FSIP2: variants seen among roughly 807,000 people sequenced by gnomAD.
FSIP2 encodes fibrous sheath interacting protein 2.
FSIP2 carries 367 observed loss-of-function variants against 510.5 expected under a neutral mutation model. The ratio of observed to expected loss-of-function variants is 0.72; its 90% CI spans 0.66 to 0.78. FSIP2 has a LOEUF of 0.78. Among genes scored for constraint, FSIP2 ranks in the 30% least tolerant of loss-of-function variants. The pLI, the probability that FSIP2 is intolerant of heterozygous loss-of-function variation, is 0.00. For missense variants in FSIP2, 7,594 were observed against 7,901.7 expected (o/e 0.96, Z 1.48); for synonymous variants, 2,601 against 2,732.2 (o/e 0.95, Z 1.50).
At chr2:185,775,425 G>A (rs542138374) in intron 13 of FSIP2, among the ~76,000 whole-genome samples, 1 of 151,264 alleles carries the variant, frequency 6.6e-6, no homozygotes, top group Admixed American at 6.6e-5. Context: ...TTTTTGATGG[G>A]GTTGTTTTTT....
intron 19 of FSIP2, among the ~76,000 whole-genome samples, chr2:185,817,085 A>G (rs1474565095): frequency 1.3e-5 from 2 of 152,002 alleles, no homozygotes; most frequent in Non-Finnish European, 2.9e-5. Context: ...AAATCTGTGA[A>G]GTTTAACTTG....
In FSIP2 at chr2:185,797,510, G is replaced by T; in HGVS notation, c.10374G>T (p.Lys3458Asn). 2 of 1,497,956 alleles carry T rather than the reference G, an allele frequency of 1.3e-6. No homozygotes were observed. The highest frequency in any genetic ancestry group is 2.6e-5 in the South Asian group (2 of 77,108). The allele number at this position is 1,497,956 out of a possible 1,614,324, so 92.8% of individuals were successfully genotyped here. ...HVTTSVVTYL[K>N]NFETTVFSEE... is the part of the protein sequence containing the mutation. The stretch of plus-strand genomic sequence containing the variant: ...CCACATCTGTGGTCACATATTTGAA[G>T]AACTTTGAAACTACAGGTAAGCAAG... Residue 3458 changes from lysine to asparagine, a missense_variant, in exon 16 of 23, where the codon AAG becomes AAT. Transcript: ENST00000424728.
In FSIP2 at chr2:185,804,975, A is replaced by C; in HGVS notation, c.15669A>C (p.Leu5223Phe). The C allele has an allele frequency of 1.3e-6, 2 of 1,548,662 alleles. No individual in the cohort carries two copies. The highest frequency in any genetic ancestry group is 2.3e-5 in the South Asian group (2 of 85,682). The change falls in exon 17 of 23, where the codon TTA becomes TTC. Residue 5223 changes from leucine (L) to phenylalanine (F), a missense_variant. Physicochemically the swap from Leu to Phe is conservative, Grantham distance 22. Coordinates refer to ENST00000424728, the MANE Select transcript of FSIP2 (RefSeq NM_173651.4). Reference sequence around the variant, plus strand: ...AAGGATGCTCATTCCTCAGTAAATTAGCTGGTTTTATTATGAAAGAAATCA... The same window carrying C: ...AAGGATGCTCATTCCTCAGTAAATTCGCTGGTTTTATTATGAAAGAAATCA... ...DKKGCSFLSKLAGFIMKEIMY... is the reference protein window; with the variant it reads ...DKKGCSFLSKFAGFIMKEIMY...
chr2:185,772,312 C>T (rs1194055424), intron 13 of FSIP2, among the ~76,000 whole-genome samples: 2 of 152,122 alleles, frequency 1.3e-5, no homozygotes, highest in Admixed American at 1.3e-4. Context: ...TATAGCAATG[C>T]CTTACTTCTT....
At chr2:185,812,141 C>T (rs1693745680) in intron 17 of FSIP2, among the ~76,000 whole-genome samples, 2 of 152,114 alleles carry the variant, frequency 1.3e-5, no homozygotes. Context: ...CGTGGAAAAG[C>T]CTCAGGCACT....
Position 185,747,377 on chromosome 2 carries a change from G to A in FSIP2, c.824G>A (p.Arg275Lys). ...GCAGAAGATGTTAAAAGAGAAGAGA[G>A]GATAGAAGAACAACAGCATAGAAAC... ...RMAEDVKREE[R>K]IEEQQHRNRE... The change falls in exon 7 of 23, where the codon AGG becomes AAG. Residue 275 changes from arginine to lysine, a missense_variant. Physicochemically the swap from Arg to Lys is conservative, Grantham distance 26 (BLOSUM62 2). Coordinates refer to ENST00000424728, the MANE Select transcript of FSIP2 (RefSeq NM_173651.4). 1 of 1,532,704 alleles carries A rather than the reference G, an allele frequency of 6.5e-7. No individual in the cohort carries two copies. The highest frequency in any genetic ancestry group is 1.2e-5 in the South Asian group (1 of 83,938). 94.9% of individuals were successfully genotyped at this position (1,532,704 alleles called of 1,614,324 possible).
intron 13 of FSIP2, among the ~76,000 whole-genome samples, chr2:185,777,799 T>C (rs1024930614): frequency 4.3e-4 from 65 of 152,180 alleles, no homozygotes; most frequent in African/African-American, 1.5e-3. Context: ...TTGAGAGAGG[T>C]TGGGTTGTAA....
chr2:185,784,266 G>A (rs1175857282), intron 14 of FSIP2: 1 of 152,100 alleles, frequency 6.6e-6, no homozygotes, highest in Non-Finnish European at 1.5e-5. Context: ...CAGGTGATAA[G>A]TAACTTTGTA....
In FSIP2 at chr2:185,793,222, A is replaced by C; in HGVS notation, c.6086A>C (p.His2029Pro). Residue 2029 changes from histidine (H) to proline (P), a missense_variant, in exon 16 of 23, where the codon CAT (histidine) becomes CCT (proline). Physicochemically the swap from His to Pro is moderately conservative, Grantham distance 77. Transcript: ENST00000424728. Reference sequence around the variant, plus strand: ...GAAAGGGAAAATCCTTTTTTAACTCATGACATTGGGATTTCTGAAAGTATT... The same window carrying C: ...GAAAGGGAAAATCCTTTTTTAACTCCTGACATTGGGATTTCTGAAAGTATT... ...DKERENPFLT[H>P]DIGISESIAS... The C allele has an allele frequency of 1.3e-6, 2 of 1,533,890 alleles. No homozygotes were observed. The highest frequency in any genetic ancestry group is 1.7e-6 in the Non-Finnish European group (2 of 1,145,484).
upstream of FSIP2, chr2:185,738,556 A>G: frequency 6.7e-7 from 1 of 1,497,376 alleles, no homozygotes; most frequent in Non-Finnish European, 8.9e-7. Context: ...AGGGGAAATT[A>G]ACCAGTTACC....
chr2:185,804,058 C>G lies in FSIP2; in HGVS notation c.14752C>G (p.Leu4918Val), dbSNP rs572646479. 6.5e-5 allele frequency: 99 copies of G among 1,517,954 alleles called. No individual in the cohort carries two copies. The East Asian group carries it at 2.2e-3, about 34-fold the overall frequency. The allele number at this position is 1,517,954 out of a possible 1,614,324, so 94.0% of individuals were successfully genotyped here. The change falls in exon 17 of 23, where the codon CTC (leucine) becomes GTC (valine). Residue 4918 changes from leucine to valine, a missense_variant. Coordinates refer to ENST00000424728, the MANE Select transcript of FSIP2 (RefSeq NM_173651.4). ...IQSFLSEDKT[L>V]LLAAVDQTYK... ...ATCATTTTTATCTGAAGATAAAACT[C>G]TCCTTTTGGCAGCAGTTGATCAAAC...
At chr2:185,798,865 T>C (rs1693360000) in intron 16 of FSIP2, among the ~76,000 whole-genome samples, 1 of 151,876 alleles carries the variant, frequency 6.6e-6, no homozygotes, top group Non-Finnish European at 1.5e-5. Context: ...CTCATGTTCC[T>C]TCTTCCACTA....
intron 2 of FSIP2, among the ~76,000 whole-genome samples, chr2:185,740,680 C>T (rs547926229): frequency 2.6e-5 from 4 of 152,214 alleles, no homozygotes; most frequent in African/African-American, 9.6e-5. Context: ...AAGATCAGGA[C>T]ACCAGCATGG....
At chr2:185,752,661 G>T (rs1286194326) in intron 7 of FSIP2, among the ~76,000 whole-genome samples, 1 of 151,086 alleles carries the variant, frequency 6.6e-6, no homozygotes, top group Admixed American at 6.6e-5. Context: ...TTTGAAAATT[G>T]CTTTTGGACC....
In FSIP2 at chr2:185,805,064, A is replaced by T; in HGVS notation, c.15758A>T (p.Tyr5253Phe). 6.2e-7 allele frequency: 1 copy of T among 1,602,934 alleles called. No homozygotes were observed. Among genetic ancestry groups the T allele is most frequent in the Non-Finnish European group, 8.5e-7 (1 of 1,176,568 alleles). The change falls in exon 17 of 23, where the codon TAT becomes TTT. Residue 5253 changes from tyrosine (Y) to phenylalanine (F), a missense_variant. Coordinates refer to ENST00000424728, the MANE Select transcript of FSIP2 (RefSeq NM_173651.4). ...TCATCTTTCAGTGACTTATCTGATT[A>T]TGACCATGTCTCTGAACTTGCTAAA... ...EESSFSDLSDYDHVSELAKSG... is the reference protein window; with the variant it reads ...EESSFSDLSDFDHVSELAKSG...
At chr2:185,752,532 C>A (rs1044930500) in intron 7 of FSIP2, among the ~76,000 whole-genome samples, 2 of 151,224 alleles carry the variant, frequency 1.3e-5, no homozygotes, top group Admixed American at 1.3e-4. Context: ...TCTCTCCTCT[C>A]TTCAGGCATA....
Position 185,792,880 on chromosome 2 carries a change from A to C in FSIP2, c.5744A>C (p.Asn1915Thr), listed in dbSNP as rs771882188. 5.9e-6 allele frequency: 9 copies of C among 1,534,204 alleles called. No individual in the cohort carries two copies. Among genetic ancestry groups the C allele is most frequent in the Admixed American group, 2.0e-5 (1 of 50,856 alleles). The change falls in exon 16 of 23, where the codon AAT becomes ACT. Residue 1915 changes from asparagine (N) to threonine (T), a missense_variant. Physicochemically the swap from Asn to Thr is moderately conservative, Grantham distance 65. Coordinates refer to ENST00000424728, the MANE Select transcript of FSIP2 (RefSeq NM_173651.4). ...GTTGCTGACAAGGAGACAAAGGTAA[A>C]TCTAGCTGAAGATATTGTACAGGCA... ...FSVADKETKVNLAEDIVQAIL... is the reference protein window; with the variant it reads ...FSVADKETKVTLAEDIVQAIL...
At position 185,738,878 on chromosome 2, in the gene FSIP2, A is replaced by AG. The variant is rs35617283; in HGVS notation, c.-12dup. The stretch of plus-strand genomic sequence containing the variant: ...AGCGGGGCGGGTGAGGAAGGGGCTG[A>AG]GGGGGCTGTGCCGGCCATGGAGCTG... On this transcript the variant is annotated 5_prime_UTR_variant, in exon 1 of 23. Transcript: ENST00000424728. 507,721 of 1,535,176 alleles carry AG rather than the reference A, an allele frequency of 0.33. 85,218 individuals carry two copies. The highest frequency in any genetic ancestry group is 0.37 in the Admixed American group (18,949 of 50,962).
At position 185,832,007 on chromosome 2, in the gene FSIP2, A is replaced by G. The variant is rs892207184; in HGVS notation, c.20587+125A>G. 2.0e-5 allele frequency: 13 copies of G among 651,114 alleles called. No individual in the cohort carries two copies. The African/African-American group carries it at 2.0e-4, about 10-fold the overall frequency. 40.3% of individuals were successfully genotyped at this position (651,114 alleles called of 1,614,324 possible). ...TCCCCTTGCATATTATCAAAATAGG[A>G]GTGAAATAATATTCTTACTGTTTGC... On this transcript the variant is annotated intron_variant, in intron 22 of 22. Coordinates refer to ENST00000424728, the MANE Select transcript of FSIP2 (RefSeq NM_173651.4).
Sources: gnomAD v4.1 joint callset for allele counts (sites outside exome capture counted in the v4.1 genomes callset) on GRCh38, gnomAD v4.1.1 for gene constraint, MANE v1.5 for transcripts, NCBI Gene and HGNC (gene_info 2026-07-23, HGNC 2026-07-21) for gene names.